Variants in SSBP2 observed in about 807,000 individuals in gnomAD.
SSBP2 encodes the protein single stranded DNA binding protein 2.
A neutral mutation model predicts 61.8 loss-of-function variants in SSBP2; 17 were observed. That is an observed-to-expected ratio of 0.28 (90% confidence interval 0.19 to 0.41). SSBP2 has a LOEUF of 0.41. SSBP2 is among the 10% of genes least tolerant of loss of function. The pLI is 1.00. For missense variants in SSBP2, 310 were observed against 458.7 expected (o/e 0.68, Z 2.96); for synonymous variants, 139 against 141.3 (o/e 0.98, Z 0.12).
intron 3 of SSBP2, among the ~76,000 whole-genome samples, chr5:81,632,033 G>A (rs969927655): frequency 2.6e-5 from 4 of 152,060 alleles, no homozygotes; most frequent in African/African-American, 7.2e-5. Context: ...ATAAGTAATG[G>A]AAATATTTGC....
intron 1 of SSBP2, among the ~76,000 whole-genome samples, chr5:81,714,801 GTCAGATGGATAGATTGCAAAA>G (rs1329765060): frequency 4.6e-5 from 7 of 152,110 alleles, no homozygotes; most frequent in African/African-American, 1.7e-4. Context: ...TTAGCGCTTT[GTCAGATGGATAGATTGCAAAA>G]ATTTTCTCCC....
intron 3 of SSBP2, among the ~76,000 whole-genome samples, chr5:81,629,436 T>C (rs183223357): frequency 8.0e-4 from 122 of 152,354 alleles, no homozygotes; most frequent in African/African-American, 2.8e-3. Flanking sequence ...TTTGTCTCTT[T>C]ATATTTTATC....
intron 1 of SSBP2, among the ~76,000 whole-genome samples, chr5:81,748,535 G>C (rs944851043): frequency 1.3e-5 from 2 of 151,796 alleles, no homozygotes; most frequent in Non-Finnish European, 2.9e-5. Context: ...CAGAACCTAC[G>C]TCGATGTTTG....
At chr5:81,626,645 C>T (rs183690600) in intron 3 of SSBP2, among the ~76,000 whole-genome samples, 93 of 152,222 alleles carry the variant, frequency 6.1e-4, no homozygotes, top group African/African-American at 2.2e-3. Flanking sequence ...TACCTTTGAC[C>T]CCATGCACCA....
chr5:81,562,975 C>T (rs1236703475), intron 4 of SSBP2, among the ~76,000 whole-genome samples: 3 of 152,168 alleles, frequency 2.0e-5, no homozygotes, highest in African/African-American at 4.8e-5. Context: ...TCTTTTCAAA[C>T]TATCTATAGA....
intron 15 of SSBP2, among the ~76,000 whole-genome samples, chr5:81,436,493 A>C (rs1323496848): frequency 6.6e-6 from 1 of 152,176 alleles, no homozygotes; most frequent in Non-Finnish European, 1.5e-5. Context: ...TAATGCCAGA[A>C]TTCCAATTAA....
chr5:81,604,467 A>C (rs1292505080), intron 4 of SSBP2, among the ~76,000 whole-genome samples: 1 of 152,058 alleles, frequency 6.6e-6, no homozygotes, highest in Admixed American at 6.6e-5. Context: ...CCCATGAGAA[A>C]ATCAACTTTA....
Position 81,414,507 on chromosome 5 carries a change from A to G in SSBP2, c.*5997T>C, listed in dbSNP as rs559018724. 1 of 152,332 alleles carries G rather than the reference A, an allele frequency of 6.6e-6. No homozygotes were observed. Among genetic ancestry groups the G allele is most frequent in the East Asian group, 1.9e-4 (1 of 5,190 alleles). The allele number at this position is 152,332 out of a possible 1,614,324, so 9.4% of individuals were successfully genotyped here. On this transcript the variant is annotated 3_prime_UTR_variant, in exon 17 of 17. Transcript: ENST00000320672. ...GTAGGTCACCTTATCAATCTGAATT[A>G]CAGTTCATGGGTAAAGCTAACTTTT... is the stretch of plus-strand genomic sequence containing the variant.
At chr5:81,605,588 T>TA (rs993984270) in intron 4 of SSBP2, among the ~76,000 whole-genome samples, 1 of 152,154 alleles carries the variant, frequency 6.6e-6, no homozygotes, top group African/African-American at 2.4e-5. Context: ...TATCACTTCA[T>TA]AAACTTCCTA....
intron 4 of SSBP2, among the ~76,000 whole-genome samples, chr5:81,596,310 T>C (rs1484782263): frequency 6.1e-5 from 9 of 146,516 alleles, no homozygotes; most frequent in Admixed American, 2.1e-4. Context: ...CAAGGAGAAC[T>C]ACAAACCACT....
chr5:81,447,407 C>T (rs1763474335), intron 11 of SSBP2, among the ~76,000 whole-genome samples: 1 of 152,160 alleles, frequency 6.6e-6, no homozygotes, highest in African/African-American at 2.4e-5. Flanking sequence ...GAGCACTGTA[C>T]CTTCCACTAT....
Position 81,636,697 on chromosome 5 carries a change from T to TA in SSBP2, c.136-80dup, listed in dbSNP as rs1748272856. 3 of 1,043,264 alleles carry TA rather than the reference T, an allele frequency of 2.9e-6. No individual in the cohort carries two copies. The East Asian group carries it at 7.7e-5, about 27-fold the overall frequency. The allele number at this position is 1,043,264 out of a possible 1,614,324, so 64.6% of individuals were successfully genotyped here. Reference sequence around the variant, plus strand: ...ATTACAAAGTAATAATATCCCCATTTAAAATACTATAGTAATATTTGAATT... The same window carrying TA: ...ATTACAAAGTAATAATATCCCCATTTAAAAATACTATAGTAATATTTGAATT... On this transcript the variant is annotated intron_variant, in intron 2 of 16. Coordinates refer to ENST00000320672, the MANE Select transcript of SSBP2 (RefSeq NM_012446.5).
At chr5:81,583,381 G>A (rs1774811911) in intron 4 of SSBP2, among the ~76,000 whole-genome samples, 1 of 152,156 alleles carries the variant, frequency 6.6e-6, no homozygotes, top group Admixed American at 6.5e-5. Context: ...TGTAATCCCA[G>A]CACTTTGGGA....
At chr5:81,439,655 C>T (rs1222384469) in intron 14 of SSBP2, among the ~76,000 whole-genome samples, 1 of 150,112 alleles carries the variant, frequency 6.7e-6, no homozygotes, top group Non-Finnish European at 1.5e-5. Context: ...CGCCCAGCAC[C>T]CTGCCCAGCT....
intron 8 of SSBP2, among the ~76,000 whole-genome samples, chr5:81,467,699 C>T (rs1408963158): frequency 6.6e-6 from 1 of 151,832 alleles, no homozygotes; most frequent in Non-Finnish European, 1.5e-5. Context: ...AGTTTAGTTG[C>T]CATAGGGACA....
chr5:81,685,643 G>T (rs940366924), intron 1 of SSBP2, among the ~76,000 whole-genome samples: 3 of 152,092 alleles, frequency 2.0e-5, no homozygotes, highest in Admixed American at 2.0e-4. Flanking sequence ...AACTTCTTTT[G>T]TTCTTGCGGT....
intron 4 of SSBP2, among the ~76,000 whole-genome samples, chr5:81,604,103 G>A (rs549282275): frequency 6.6e-6 from 1 of 152,140 alleles, no homozygotes; most frequent in South Asian, 2.1e-4. Flanking sequence ...ATGTTATAAA[G>A]AAAATCATAA....
chr5:81,604,010 T>A (rs1744634575), intron 4 of SSBP2, among the ~76,000 whole-genome samples: 1 of 152,080 alleles, frequency 6.6e-6, no homozygotes, highest in African/African-American at 2.4e-5. Flanking sequence ...ATACATGTTA[T>A]ATTAAACGCT....
chr5:81,501,726 C>T (rs529486282), intron 5 of SSBP2, among the ~76,000 whole-genome samples: 141 of 151,910 alleles, frequency 9.3e-4, no homozygotes, highest in African/African-American at 3.3e-3. Flanking sequence ...CCACGCCCGG[C>T]TAATTTTGTT....
Sources: allele counts gnomAD v4.1 joint callset (sites outside exome capture counted in the v4.1 genomes callset), GRCh38; gene constraint gnomAD v4.1.1; transcripts MANE v1.5; gene names NCBI Gene and HGNC (gene_info 2026-07-23, HGNC 2026-07-21).